PCDH15: variants seen among roughly 807,000 people sequenced by gnomAD.
The protein encoded by PCDH15 is protocadherin-15.
A neutral mutation model predicts 178.5 loss-of-function variants in PCDH15; 129 were observed. The observed-to-expected ratio is 0.72, with a 90% CI of 0.63 to 0.84. PCDH15 has a LOEUF of 0.84. PCDH15 is among the 40% of genes least tolerant of loss of function. The pLI, the probability that PCDH15 is intolerant of heterozygous loss-of-function variation, is 0.00. For synonymous variants in PCDH15, 800 were observed against 732.0 expected (o/e 1.09, Z -1.50); for missense variants, 2,230 against 2,099.9 (o/e 1.06, Z -1.21).
rs921927785 is a variant in PCDH15, at chr10:54,410,206, G to A, written c.158-31264C>T. 2.6e-5 allele frequency among the ~76,000 whole-genome samples: 4 copies of A among 152,086 alleles called. No individual in the cohort carries two copies. The East Asian group carries it at 5.8e-4, about 22-fold the overall frequency. On this transcript the variant is annotated intron_variant, in intron 3 of 37. Coordinates refer to ENST00000644397, the MANE Select transcript of PCDH15 (RefSeq NM_001384140.1). ...TTGCTGCCTCTGAGAATTTGGGAAGGGATGGATTTGAAGAAGAAGTTTTCT... is the reference window on the plus strand; with the variant it reads ...TTGCTGCCTCTGAGAATTTGGGAAGAGATGGATTTGAAGAAGAAGTTTTCT...
chr10:55,390,047 C>T (rs1462202497), intron 2 of PCDH15, among the ~76,000 whole-genome samples: 8 of 152,038 alleles, frequency 5.3e-5, no homozygotes, highest in African/African-American at 1.9e-4. Context: ...AGGCACAACT[C>T]AGAGATATTG....
At chr10:55,325,007 C>A (rs1843994262) in intron 2 of PCDH15, among the ~76,000 whole-genome samples, 1 of 151,914 alleles carries the variant, frequency 6.6e-6, no homozygotes, top group South Asian at 2.1e-4. Flanking sequence ...AGGAATACAG[C>A]TAATCAGAGA....
At chr10:54,499,194 G>A (rs890171002) in intron 3 of PCDH15, among the ~76,000 whole-genome samples, 3 of 152,114 alleles carry the variant, frequency 2.0e-5, no homozygotes, top group Non-Finnish European at 4.4e-5. Context: ...AACCTCTGAA[G>A]AGACTTAGAT....
intron 2 of PCDH15, among the ~76,000 whole-genome samples, chr10:54,915,223 G>A (rs945930194): frequency 3.3e-5 from 5 of 152,188 alleles, no homozygotes; most frequent in Non-Finnish European, 4.4e-5. Context: ...TCTAAGATCT[G>A]ATGATATGTG....
At chr10:54,997,032 C>T (rs1839664805) in intron 2 of PCDH15, among the ~76,000 whole-genome samples, 1 of 151,350 alleles carries the variant, frequency 6.6e-6, no homozygotes. Context: ...TTGCTTGAAG[C>T]CTGGAGGTGG....
intron 2 of PCDH15, among the ~76,000 whole-genome samples, chr10:54,952,757 T>C (rs1201086458): frequency 6.6e-6 from 1 of 151,742 alleles, no homozygotes; most frequent in Non-Finnish European, 1.5e-5. Context: ...TTGGATCTTA[T>C]GTCAATAGCA....
chr10:55,320,184 C>G (rs955548842), upstream of PCDH15, among the ~76,000 whole-genome samples: 3 of 152,190 alleles, frequency 2.0e-5, no homozygotes, highest in Non-Finnish European at 2.9e-5. Context: ...GCTGCTTGTT[C>G]TCTACAGGTG....
chr10:53,892,016 CTA>C (rs1388363929), intron 26 of PCDH15, among the ~76,000 whole-genome samples: 4 of 124,476 alleles, frequency 3.2e-5, no homozygotes, highest in Non-Finnish European at 6.4e-5. Context: ...AGCTTTACAT[CTA>C]TGTTTTTTTT....
chr10:55,240,672 C>T (rs547833184), intron 1 of PCDH15, among the ~76,000 whole-genome samples: 1 of 152,260 alleles, frequency 6.6e-6, no homozygotes, highest in African/African-American at 2.4e-5. Flanking sequence ...TTCTCTGTTT[C>T]TTACTGATGT....
chr10:54,148,529 A>G (rs537503668), intron 14 of PCDH15, among the ~76,000 whole-genome samples: 3 of 152,146 alleles, frequency 2.0e-5, no homozygotes, highest in South Asian at 4.1e-4. Context: ...GTTCTCCCCA[A>G]ATATTTTCAA....
intron 27 of PCDH15, 56 bp from the exon 28 acceptor site, chr10:53,857,319 T>C: frequency 7.4e-7 from 1 of 1,352,982 alleles, no homozygotes; most frequent in Non-Finnish European, 1.1e-6. Flanking sequence ...ATTTCCATAA[T>C]CAGAAAACCC....
intron 2 of PCDH15, among the ~76,000 whole-genome samples, chr10:54,951,611 G>A (rs557029318): frequency 2.0e-4 from 30 of 151,872 alleles, no homozygotes; most frequent in South Asian, 2.1e-4. Flanking sequence ...TGGTAAGAGT[G>A]TTTTTAGTTT....
intron 2 of PCDH15, among the ~76,000 whole-genome samples, chr10:55,617,062 T>G (rs897287034): frequency 6.6e-6 from 1 of 152,068 alleles, no homozygotes; most frequent in Non-Finnish European, 1.5e-5. Context: ...ACAAACCCAG[T>G]TAGACCTCAT....
At chr10:54,362,154 A>G (rs1191760036) in intron 5 of PCDH15, among the ~76,000 whole-genome samples, 4 of 152,080 alleles carry the variant, frequency 2.6e-5, no homozygotes, top group African/African-American at 9.7e-5. Flanking sequence ...GGTAATTATT[A>G]TAATTCACTT....
At chr10:54,357,149 A>G (rs1194671509) in intron 5 of PCDH15, among the ~76,000 whole-genome samples, 2 of 152,158 alleles carry the variant, frequency 1.3e-5, no homozygotes, top group African/African-American at 2.4e-5. Context: ...TAGTGTTGGA[A>G]GTTCTGGCCA....
At chr10:55,078,878 G>T (rs1205316515) in intron 2 of PCDH15, among the ~76,000 whole-genome samples, 2 of 151,644 alleles carry the variant, frequency 1.3e-5, no homozygotes, top group Non-Finnish European at 2.9e-5. Context: ...TATGACATTT[G>T]GTTTTCCATT....
chr10:54,307,674 C>G (rs1041541721), intron 8 of PCDH15, among the ~76,000 whole-genome samples: 1 of 151,864 alleles, frequency 6.6e-6, no homozygotes, highest in Admixed American at 6.6e-5. Flanking sequence ...ACAATGCCAA[C>G]TCTGTTTATT....
chr10:55,384,960 G>A (rs529194919), intron 2 of PCDH15, among the ~76,000 whole-genome samples: 68 of 152,062 alleles, frequency 4.5e-4, no homozygotes, highest in African/African-American at 1.6e-3. Context: ...GGTATATCAC[G>A]AACATGTCAA....
chr10:54,575,988 C>T (rs970341444), intron 2 of PCDH15, among the ~76,000 whole-genome samples: 1 of 152,218 alleles, frequency 6.6e-6, no homozygotes, highest in African/African-American at 2.4e-5. Context: ...GTCAATTCAT[C>T]GCCCTGGCCA....
Sources: allele counts gnomAD v4.1 joint callset (sites outside exome capture counted in the v4.1 genomes callset), GRCh38; gene constraint gnomAD v4.1.1; transcripts MANE v1.5; gene names NCBI Gene and HGNC (gene_info 2026-07-23, HGNC 2026-07-21).